SLC7A14: variants seen among roughly 807,000 people sequenced by gnomAD.
The protein encoded by SLC7A14 is gamma-aminobutyric acid transporter SLC7A14.
SLC7A14 carries 37 observed loss-of-function variants against 60.2 expected under a neutral mutation model. The observed-to-expected ratio is 0.61, with a 90% CI of 0.47 to 0.81. SLC7A14 has a LOEUF of 0.81. SLC7A14 is among the 30% of genes least tolerant of loss of function. The probability of loss-of-function intolerance (pLI) is 0.00; values close to 1 mark genes in which losing one functional copy is unlikely to be tolerated. For missense variants in SLC7A14, 886 were observed against 982.7 expected (o/e 0.90, Z 1.32); for synonymous variants, 399 against 395.8 (o/e 1.01, Z -0.10).
chr3:170,496,151 G>C, intron 4 of SLC7A14: 2 of 931,834 alleles, frequency 2.1e-6, no homozygotes, highest in South Asian at 1.3e-5. Flanking sequence ...CCCAGATCTC[G>C]GGCACGTCTG....
At chr3:170,559,659 T>C (rs1404575440) in intron 1 of SLC7A14, among the ~76,000 whole-genome samples, 1 of 152,240 alleles carries the variant, frequency 6.6e-6, no homozygotes, top group Non-Finnish European at 1.5e-5. Context: ...AAATTACTAA[T>C]TCTGATACCT....
intron 2 of SLC7A14, 48 bp from the exon 3 acceptor site, chr3:170,501,393 G>C (rs1422885595): frequency 8.7e-6 from 13 of 1,501,432 alleles, no homozygotes; most frequent in Admixed American, 6.7e-5. Context: ...GAGATGAGCT[G>C]ACATCCTGTG....
intron 7 of SLC7A14, among the ~76,000 whole-genome samples, chr3:170,470,023 A>G (rs1739842183): frequency 6.6e-6 from 1 of 152,114 alleles, no homozygotes; most frequent in African/African-American, 2.4e-5. Flanking sequence ...ACCTTGAGTC[A>G]TAGATATTTA....
At chr3:170,474,602 A>G (rs191101507) in intron 7 of SLC7A14, among the ~76,000 whole-genome samples, 4 of 152,274 alleles carry the variant, frequency 2.6e-5, no homozygotes, top group Admixed American at 2.6e-4. Flanking sequence ...TTTATGGGAC[A>G]TGTCATCAAG....
chr3:170,535,651 G>A lies in SLC7A14; in HGVS notation c.-152-8563C>T, dbSNP rs1395397485. 6.6e-6 allele frequency among the ~76,000 whole-genome samples: 1 copy of A among 152,190 alleles called. No homozygotes were observed. The highest frequency in any genetic ancestry group is 1.5e-5 in the Non-Finnish European group (1 of 68,040). ...GCACCAGCAGGTGATCAGGAGGATG[G>A]AAGAGAGGCAGGCCAGGTGTTTATC... On this transcript the variant is annotated intron_variant, in intron 1 of 7. Transcript: ENST00000231706. The surrounding 1 kb of genome is among the most constrained non-coding windows in gnomAD (Gnocchi z 4.3).
rs73040365 is a variant in SLC7A14 at position 170,469,896 on chromosome 3, T to G, written c.1994-2519A>C. 5.7e-3 allele frequency among the ~76,000 whole-genome samples: 871 copies of G among 152,280 alleles called. 12 individuals are homozygous for G. The highest frequency in any genetic ancestry group is 0.02 in the African/African-American group (815 of 41,556). On this transcript the variant is annotated intron_variant, in intron 7 of 7. Transcript: ENST00000231706. ...TCCTCTGCCACCACAAAGGTCATTG[T>G]TCAGTCACTGGTTTGACATCACTCA...
At chr3:170,547,575 T>G (rs1001433790) in intron 1 of SLC7A14, among the ~76,000 whole-genome samples, 6 of 152,084 alleles carry the variant, frequency 3.9e-5, no homozygotes, top group Non-Finnish European at 8.8e-5. Context: ...TCAGTGAAAG[T>G]GGATCATCAT....
In SLC7A14 at chr3:170,562,219, T is replaced by C. The variant is rs143303425; in HGVS notation, c.-153+23692A>G. ...TATCTAGAGCAGCACAGTTCGCCAA[T>C]TGCAAAAATTTGGAACCAGCCCAAA... On this transcript the variant is annotated intron_variant, in intron 1 of 7. Transcript: ENST00000231706. Among the ~76,000 whole-genome samples the C allele has an allele frequency of 3.5e-3, 531 of 152,202 alleles. 5 individuals are homozygous for C. The highest frequency in any genetic ancestry group is 0.01 in the Middle Eastern group (3 of 294).
At chr3:170,576,599 A>G (rs1009507729) in intron 1 of SLC7A14, among the ~76,000 whole-genome samples, 1 of 152,224 alleles carries the variant, frequency 6.6e-6, no homozygotes, top group Non-Finnish European at 1.5e-5. Flanking sequence ...TCACATGAGC[A>G]TGGCTGGATT....
chr3:170,527,343 T>C (rs1214485073), intron 1 of SLC7A14, among the ~76,000 whole-genome samples: 1 of 152,212 alleles, frequency 6.6e-6, no homozygotes, highest in Non-Finnish European at 1.5e-5. Flanking sequence ...TACTGCTCTG[T>C]GGTCTTGGGT....
At chr3:170,504,994 G>A (rs551804077) in intron 2 of SLC7A14, among the ~76,000 whole-genome samples, 1 of 152,256 alleles carries the variant, frequency 6.6e-6, no homozygotes, top group South Asian at 2.1e-4. Context: ...GCTCTGTCTT[G>A]TATCATATAT....
chr3:170,501,387 T>C, intron 2 of SLC7A14, 42 bp from the exon 3 acceptor site: 3 of 1,536,244 alleles, frequency 2.0e-6, no homozygotes, highest in Non-Finnish European at 2.7e-6. Flanking sequence ...CTTCAGGAGA[T>C]GAGCTGACAT....
chr3:170,573,031 G>A (rs1714995329), intron 1 of SLC7A14, among the ~76,000 whole-genome samples: 1 of 152,144 alleles, frequency 6.6e-6, no homozygotes, highest in Non-Finnish European at 1.5e-5. Context: ...TTGTAGATGA[G>A]TCATAGTCGC....
chr3:170,572,377 C>A (rs1714982202), intron 1 of SLC7A14, among the ~76,000 whole-genome samples: 1 of 152,178 alleles, frequency 6.6e-6, no homozygotes, highest in African/African-American at 2.4e-5. Context: ...TAATCCTCAT[C>A]TGTAAAATGA....
At chr3:170,550,512 ATTTTTT>A (rs369436642) in intron 1 of SLC7A14, among the ~76,000 whole-genome samples, 16 of 60,604 alleles carry the variant, frequency 2.6e-4, no homozygotes, top group African/African-American at 1.3e-3. Flanking sequence ...CTTTCCTTGA[ATTTTTT>A]TTTTTTTTTT....
intron 2 of SLC7A14, among the ~76,000 whole-genome samples, chr3:170,522,294 A>G (rs1713361929): frequency 6.6e-6 from 1 of 152,228 alleles, no homozygotes; most frequent in Admixed American, 6.5e-5. Context: ...CTAAGTACTT[A>G]CTTGAGAAAC....
chr3:170,477,555 C>T (rs865978850), intron 7 of SLC7A14, among the ~76,000 whole-genome samples: 2 of 152,150 alleles, frequency 1.3e-5, no homozygotes, highest in Admixed American at 6.5e-5. Flanking sequence ...GTGATAAGCA[C>T]GGTACAAGTG....
intron 4 of SLC7A14, among the ~76,000 whole-genome samples, chr3:170,495,469 AC>A (rs1192278450): frequency 2.0e-5 from 3 of 152,224 alleles, no homozygotes; most frequent in Admixed American, 2.0e-4. Context: ...CAGAAGTCCT[AC>A]AAGGTGTCCA....
intron 7 of SLC7A14, among the ~76,000 whole-genome samples, chr3:170,471,103 G>GTGTGTGTGTGTA (rs1419632677): frequency 1.6e-4 from 24 of 151,988 alleles, no homozygotes; most frequent in African/African-American, 5.6e-4. Context: ...GTGTGTGTGT[G>GTGTGTGTGTGTA]TGTGTGTGTG....
Sources: gnomAD v4.1 joint callset for allele counts (sites outside exome capture counted in the v4.1 genomes callset) on GRCh38, gnomAD v4.1.1 for gene constraint, Gnocchi (gnomAD v3.1) non-coding constraint, MANE v1.5 for transcripts, NCBI Gene and HGNC (gene_info 2026-07-23, HGNC 2026-07-21) for gene names.